MLLT10: variants seen among roughly 807,000 people sequenced by gnomAD.
MLLT10 encodes MLLT10 histone lysine methyltransferase DOT1L cofactor.
In MLLT10, 30 loss-of-function variants were observed where a neutral mutation model predicts 129.1. The observed-to-expected ratio is 0.23, with a 90% CI of 0.17 to 0.32. The LOEUF is 0.32. Among genes scored for constraint, MLLT10 ranks in the 10% least tolerant of loss-of-function variants. The pLI, the probability that MLLT10 is intolerant of heterozygous loss-of-function variation, is 1.00. For missense variants in MLLT10, 1,119 were observed against 1,268.3 expected, an observed-to-expected ratio of 0.88 and a Z score of 1.79; for synonymous variants, 490 against 446.4, an observed-to-expected ratio of 1.10 and a Z score of -1.23.
intron 9 of MLLT10, among the ~76,000 whole-genome samples, chr10:21,665,377 C>T (rs1017522522): frequency 2.0e-5 from 3 of 151,664 alleles, no homozygotes; most frequent in African/African-American, 7.3e-5. Flanking sequence ...CAACCTCCGC[C>T]TCCTGGTTTT....
At chr10:21,615,300 A>G (rs2045119257) in intron 7 of MLLT10, among the ~76,000 whole-genome samples, 1 of 151,790 alleles carries the variant, frequency 6.6e-6, no homozygotes, top group Non-Finnish European at 1.5e-5. Flanking sequence ...TCTATTAAAA[A>G]TACAAAATTA....
Position 21,732,890 on chromosome 10 carries a change from G to A in MLLT10, c.2219-9G>A, listed in dbSNP as rs1271985531. On this transcript the variant is annotated splice_polypyrimidine_tract_variant and intron_variant, in intron 17 of 22. Coordinates refer to ENST00000307729, the MANE Select transcript of MLLT10 (RefSeq NM_001195626.3). Reference sequence around the variant, plus strand: ...TGTCATTATTAAAAACTATCCAAATGTGTGGTAGTTTTAGGAATGCTGAAG... The same window carrying A: ...TGTCATTATTAAAAACTATCCAAATATGTGGTAGTTTTAGGAATGCTGAAG... The A allele has an allele frequency of 2.5e-6, 4 of 1,610,136 alleles. No individual in the cohort carries two copies. Among genetic ancestry groups the A allele is most frequent in the Admixed American group, 3.4e-5 (2 of 59,524 alleles).
At chr10:21,631,898 A>G (rs192649201) in intron 8 of MLLT10, among the ~76,000 whole-genome samples, 4 of 151,646 alleles carry the variant, frequency 2.6e-5, no homozygotes, top group African/African-American at 9.7e-5. Context: ...AAGTTAGATA[A>G]ATCTGTATTA....
intron 13 of MLLT10, among the ~76,000 whole-genome samples, chr10:21,709,768 G>A (rs2055894210): frequency 6.6e-6 from 1 of 151,274 alleles, no homozygotes; most frequent in African/African-American, 2.4e-5. Flanking sequence ...TTTTGGAGAC[G>A]GTCTTGTTCT....
chr10:21,651,039 GTTGTTTTGTT>G (rs57639142), intron 8 of MLLT10, among the ~76,000 whole-genome samples: 45,834 of 148,358 alleles, frequency 0.31, 8,055 homozygotes, highest in Middle Eastern at 0.46. Context: ...TGGTGGTTGT[GTTGTTTTGTT>G]TTGTTTTGTT....
intron 6 of MLLT10, among the ~76,000 whole-genome samples, chr10:21,613,842 G>GT (rs2044930538): frequency 6.6e-6 from 1 of 151,962 alleles, no homozygotes; most frequent in Non-Finnish European, 1.5e-5. Context: ...GAAGGCCGAG[G>GT]TTGCAGTGAG....
At chr10:21,725,752 C>G (rs1314664134) in intron 14 of MLLT10, among the ~76,000 whole-genome samples, 1 of 131,342 alleles carries the variant, frequency 7.6e-6, no homozygotes, top group Non-Finnish European at 1.6e-5. Flanking sequence ...AGTTACGTAA[C>G]TTTTTTTTTT....
chr10:21,535,519 G>A (rs562342311), intron 2 of MLLT10, among the ~76,000 whole-genome samples: 163 of 152,290 alleles, frequency 1.1e-3, no homozygotes, highest in Non-Finnish European at 1.9e-3. Context: ...AAGAGGTGGC[G>A]GTGCCAAGTC....
rs201630003 is a variant in MLLT10, at chr10:21,614,974, A to G, written c.603+50A>G. On this transcript the variant is annotated intron_variant, in intron 7 of 22. Coordinates refer to ENST00000307729, the MANE Select transcript of MLLT10 (RefSeq NM_001195626.3). ...GAAATGATTATGATTAGTTTTGACA[A>G]TAGAATGACACTGTTTTATTAAAAA... 12 of 1,408,380 alleles carry G rather than the reference A, an allele frequency of 8.5e-6. No homozygotes were observed. The Middle Eastern group carries it at 5.4e-4, about 64-fold the overall frequency. The allele number at this position is 1,408,380 out of a possible 1,614,324, so 87.2% of individuals were successfully genotyped here. A position where few individuals can be genotyped will look rare whatever the true frequency, so the allele number is the denominator to read the frequency against.
intron 13 of MLLT10, among the ~76,000 whole-genome samples, chr10:21,707,856 A>G (rs1251744945): frequency 6.6e-6 from 1 of 151,772 alleles, no homozygotes; most frequent in Non-Finnish European, 1.5e-5. Flanking sequence ...TTCTTCTTTC[A>G]ATATTTCTGG....
intron 8 of MLLT10, among the ~76,000 whole-genome samples, chr10:21,643,669 C>T (rs1033304497): frequency 2.6e-5 from 4 of 152,144 alleles, no homozygotes; most frequent in Non-Finnish European, 5.9e-5. Context: ...ACTTAATGGT[C>T]CTGGAATATT....
At chr10:21,597,239 C>T (rs1283968795) in intron 5 of MLLT10, among the ~76,000 whole-genome samples, 3 of 151,960 alleles carry the variant, frequency 2.0e-5, no homozygotes, top group East Asian at 1.9e-4. Flanking sequence ...TACAATATGC[C>T]GTCAAAATAA....
chr10:21,738,229 C>T (rs905466353), intron 21 of MLLT10, among the ~76,000 whole-genome samples: 6 of 151,722 alleles, frequency 4.0e-5, no homozygotes, highest in Admixed American at 6.6e-5. Context: ...AGCACACCAC[C>T]GCACTCCAGC....
chr10:21,621,590 T>C (rs1286611457), intron 8 of MLLT10, among the ~76,000 whole-genome samples: 2 of 152,154 alleles, frequency 1.3e-5, no homozygotes, highest in South Asian at 4.1e-4. Flanking sequence ...GTGCCTGTTG[T>C]GTTGAACCGA....
At chr10:21,647,712 G>A (rs2048631528) in intron 8 of MLLT10, among the ~76,000 whole-genome samples, 2 of 150,820 alleles carry the variant, frequency 1.3e-5, no homozygotes, top group Admixed American at 6.6e-5. Flanking sequence ...GGGGCGGGGG[G>A]ATTGCCCAGT....
chr10:21,600,003 A>G (rs905364193), intron 5 of MLLT10, among the ~76,000 whole-genome samples: 3 of 152,218 alleles, frequency 2.0e-5, no homozygotes, highest in African/African-American at 7.2e-5. Context: ...TATGTGCCCA[A>G]CTTTCCCTTC....
chr10:21,603,484 T>A (rs2043758876), intron 5 of MLLT10, among the ~76,000 whole-genome samples: 1 of 152,208 alleles, frequency 6.6e-6, no homozygotes, highest in Non-Finnish European at 1.5e-5. Context: ...TTAATCTACT[T>A]ATTATAACAT....
intron 9 of MLLT10, among the ~76,000 whole-genome samples, chr10:21,659,753 C>A (rs563656707): frequency 6.6e-6 from 1 of 152,098 alleles, no homozygotes; most frequent in Non-Finnish European, 1.5e-5. Context: ...TCAGGTGATC[C>A]ACCCGCCTTG....
At chr10:21,615,267 G>T (rs929192494) in intron 7 of MLLT10, among the ~76,000 whole-genome samples, 1 of 151,822 alleles carries the variant, frequency 6.6e-6, no homozygotes, top group Non-Finnish European at 1.5e-5. Flanking sequence ...AGACCAGCCT[G>T]ACCAGCATGG....
Sources: allele counts gnomAD v4.1 joint callset (sites outside exome capture counted in the v4.1 genomes callset), GRCh38; gene constraint gnomAD v4.1.1; transcripts MANE v1.5; gene names NCBI Gene and HGNC (gene_info 2026-07-23, HGNC 2026-07-21).